Variants in NAALAD2 observed in about 807,000 individuals in gnomAD.
NAALAD2 encodes N-acetylated alpha-linked acidic dipeptidase 2.
In NAALAD2, 89 loss-of-function variants were observed where a neutral mutation model predicts 95.6. The ratio of observed to expected loss-of-function variants is 0.93; its 90% CI spans 0.78 to 1.11. The LOEUF (loss-of-function observed/expected upper bound fraction) is 1.11, where lower values mean the gene tolerates loss of function less well. Ranked by LOEUF, NAALAD2 falls within the 50% of genes least tolerant of loss-of-function variation. The probability of loss-of-function intolerance (pLI) is 0.00; values close to 1 mark genes in which losing one functional copy is unlikely to be tolerated. For missense variants in NAALAD2, 894 were observed against 872.4 expected, an observed-to-expected ratio of 1.02 and a Z score of -0.31; for synonymous variants, 264 against 294.4, an observed-to-expected ratio of 0.90 and a Z score of 1.06.
chr11:90,148,158 AT>A (rs1590966924), intron 3 of NAALAD2, among the ~76,000 whole-genome samples: 1 of 152,174 alleles, frequency 6.6e-6, no homozygotes, highest in African/African-American at 2.4e-5. Flanking sequence ...CTAGAGGGGC[AT>A]TTTAGATAGA....
Position 90,152,305 on chromosome 11 carries a change from A to C in NAALAD2, c.617A>C (p.Asn206Thr), listed in dbSNP as rs1339611128. ...GKIFRGNKVK[N>T]AMLAGAIGII... ...TGCACATTGCCCCTGCAGGTTAAAA[A>C]TGCCATGTTAGCAGGAGCCATAGGA... The change falls in exon 6 of 19, where the codon AAT (asparagine) becomes ACT (threonine). Residue 206 changes from asparagine (N) to threonine (T), a missense_variant. Physicochemically the swap from Asn to Thr is moderately conservative, Grantham distance 65. Transcript: ENST00000534061. The C allele has an allele frequency of 6.3e-7, 1 of 1,594,024 alleles. No homozygotes were observed. The highest frequency in any genetic ancestry group is 1.7e-5 in the Admixed American group (1 of 59,560).
chr11:90,144,893 G>A (rs1446011149), intron 2 of NAALAD2, among the ~76,000 whole-genome samples: 2 of 152,070 alleles, frequency 1.3e-5, no homozygotes, highest in South Asian at 2.1e-4. Context: ...TGAAGAGTGG[G>A]TTAAAGGGCT....
chr11:90,133,371 C>T (rs2134804099), upstream of NAALAD2, among the ~76,000 whole-genome samples: 1 of 152,238 alleles, frequency 6.6e-6, no homozygotes, highest in African/African-American at 2.4e-5. Context: ...AGAAATGCTT[C>T]ATGAATGTAG....
chr11:90,152,830 T>C (rs2134873925), intron 6 of NAALAD2, among the ~76,000 whole-genome samples: 1 of 152,136 alleles, frequency 6.6e-6, no homozygotes, highest in Admixed American at 6.5e-5. Flanking sequence ...AAAAATACAA[T>C]AGATAGATTG....
Position 90,191,749 on chromosome 11 carries a change from A to G in NAALAD2, c.*2A>G. Reference sequence around the variant, plus strand: ...GGAACTCTGAAAGAAGTATTATAGAAGGTCTCAAGTGGCTAGCCATTAAAG... The same window carrying G: ...GGAACTCTGAAAGAAGTATTATAGAGGGTCTCAAGTGGCTAGCCATTAAAG... On this transcript the variant is annotated 3_prime_UTR_variant, in exon 19 of 19. Coordinates refer to ENST00000534061, the MANE Select transcript of NAALAD2 (RefSeq NM_005467.4). 6.5e-7 allele frequency: 1 copy of G among 1,548,616 alleles called. No homozygotes were observed. Among genetic ancestry groups the G allele is most frequent in the Non-Finnish European group, 8.7e-7 (1 of 1,148,680 alleles).
chr11:90,151,478 A>T (rs1391277651), intron 5 of NAALAD2, among the ~76,000 whole-genome samples: 1 of 152,140 alleles, frequency 6.6e-6, no homozygotes, highest in Non-Finnish European at 1.5e-5. Flanking sequence ...ATCTTTGTCC[A>T]TATATGCTCC....
intron 7 of NAALAD2, chr11:90,158,781 A>C (rs1050868605): frequency 1.7e-5 from 3 of 179,484 alleles, no homozygotes; most frequent in African/African-American, 7.2e-5. Flanking sequence ...ATTTCTTTAC[A>C]TATCCCCCAA....
intron 13 of NAALAD2, among the ~76,000 whole-genome samples, chr11:90,171,992 AAGAAAAGAAAAAAGAAAG>A (rs1174203320): frequency 9.4e-6 from 1 of 106,576 alleles, no homozygotes; most frequent in African/African-American, 5.1e-5. Flanking sequence ...CAAAAAAAGA[AAGAAAAGAAAAAAGAAAG>A]AAAGAAAGCT....
chr11:90,178,180 T>G, intron 16 of NAALAD2, 63 bp downstream of exon 16: 2 of 1,484,148 alleles, frequency 1.3e-6, no homozygotes, highest in East Asian at 4.5e-5. Context: ...TATTATCTCC[T>G]ATGATGATCA....
At chr11:90,181,585 C>A in intron 16 of NAALAD2, 35 bp from the exon 17 acceptor site, 1 of 1,415,830 alleles carries the variant, frequency 7.1e-7, no homozygotes, top group Non-Finnish European at 9.9e-7. Flanking sequence ...GAAATATGAG[C>A]TAATTTCTCT....
rs1343798735 is a variant in NAALAD2 at position 90,147,430 on chromosome 11, A to C, written c.295A>C (p.Lys99Gln). 2.5e-6 allele frequency: 4 copies of C among 1,614,046 alleles called. No individual in the cohort carries two copies. Among genetic ancestry groups the C allele is most frequent in the Non-Finnish European group, 3.4e-6 (4 of 1,179,938 alleles). ...GAAGAAATTTGGACTAGATTCAGCC[A>C]AGTTGGTTCATTATGATGTCCTCTT... ...QWKKFGLDSAKLVHYDVLLSY... is the reference protein window; with the variant it reads ...QWKKFGLDSAQLVHYDVLLSY... Residue 99 changes from lysine (K) to glutamine (Q), a missense_variant, in exon 3 of 19, where the codon AAG becomes CAG. Lys to Gln is a moderately conservative substitution (Grantham distance 53). Transcript: ENST00000534061.
intron 8 of NAALAD2, among the ~76,000 whole-genome samples, chr11:90,160,159 G>C (rs1032217211): frequency 2.0e-5 from 3 of 152,066 alleles, no homozygotes; most frequent in African/African-American, 4.8e-5. Flanking sequence ...TACTCTTCTA[G>C]AAGAGATGTG....
chr11:90,170,655 G>T (rs1281116134), intron 13 of NAALAD2, among the ~76,000 whole-genome samples: 1 of 152,180 alleles, frequency 6.6e-6, no homozygotes, highest in Non-Finnish European at 1.5e-5. Flanking sequence ...GTATGATGGA[G>T]AACAGTTATG....
rs768544634 is a variant in NAALAD2 at position 90,141,849 on chromosome 11, G to A, written c.195-5481G>A. On this transcript the variant is annotated intron_variant, in intron 2 of 18. Coordinates refer to ENST00000534061, the MANE Select transcript of NAALAD2 (RefSeq NM_005467.4). Reference sequence around the variant, plus strand: ...AGACAATAATGTCATCTTCAAAAAGGGAACATTTCATTTCTTTTTTCTTTC... The same window carrying A: ...AGACAATAATGTCATCTTCAAAAAGAGAACATTTCATTTCTTTTTTCTTTC... 2.0e-4 allele frequency among the ~76,000 whole-genome samples: 31 copies of A among 152,060 alleles called. 2 individuals carry two copies. Among genetic ancestry groups the A allele is most frequent in the Non-Finnish European group, 1.6e-4 (11 of 68,016 alleles).
rs1590967895 is a variant in NAALAD2 at position 90,148,872 on chromosome 11, G to T, written c.382-134G>T. 32 of 495,630 alleles carry T rather than the reference G, an allele frequency of 6.5e-5. 1 individual carries two copies. The East Asian group carries it at 1.1e-3, about 17-fold the overall frequency. 30.7% of individuals were successfully genotyped at this position (495,630 alleles called of 1,614,324 possible). On this transcript the variant is annotated intron_variant, in intron 3 of 18. Transcript: ENST00000534061. ...AATGATAAGGCTCTTTCTCATTGTTGTCAGTGTAATTTATCTATTACAGAA... is the reference window on the plus strand; with the variant it reads ...AATGATAAGGCTCTTTCTCATTGTTTTCAGTGTAATTTATCTATTACAGAA...
rs1951414964 is a variant in NAALAD2 at position 90,134,844 on chromosome 11, A to C, written c.82+4A>C. Reference sequence around the variant, plus strand: ...TTCCTGATGGGATTTATGGTGGGTAAGTGAACAAAACACTCTACCCCGACT... The same window carrying C: ...TTCCTGATGGGATTTATGGTGGGTACGTGAACAAAACACTCTACCCCGACT... On this transcript the variant is annotated splice_donor_region_variant and intron_variant, in intron 1 of 18. Transcript: ENST00000534061. 2 of 1,613,974 alleles carry C rather than the reference A, an allele frequency of 1.2e-6. No homozygotes were observed. Among genetic ancestry groups the C allele is most frequent in the African/African-American group, 1.3e-5 (1 of 75,052 alleles).
intron 18 of NAALAD2, among the ~76,000 whole-genome samples, chr11:90,190,174 A>G (rs1857280003): frequency 1.3e-5 from 2 of 148,418 alleles, no homozygotes; most frequent in African/African-American, 2.5e-5. Context: ...ATGTCAAGCT[A>G]TGCTTTTCAT....
intron 11 of NAALAD2, among the ~76,000 whole-genome samples, chr11:90,166,962 C>G (rs1428068362): frequency 1.3e-5 from 2 of 152,096 alleles, no homozygotes; most frequent in African/African-American, 2.4e-5. Flanking sequence ...ACAGCCTGGC[C>G]AACATGGTGA....
intron 2 of NAALAD2, among the ~76,000 whole-genome samples, chr11:90,139,256 G>A (rs895624006): frequency 2.6e-5 from 4 of 151,704 alleles, no homozygotes; most frequent in Admixed American, 1.3e-4. Context: ...AAGACTGAAA[G>A]CTGGTGTTTA....
Sources: gnomAD v4.1 joint callset for allele counts (sites outside exome capture counted in the v4.1 genomes callset) on GRCh38, gnomAD v4.1.1 for gene constraint, MANE v1.5 for transcripts, NCBI Gene and HGNC (gene_info 2026-07-23, HGNC 2026-07-21) for gene names.